Variants in TRAPPC9 observed in about 807,000 individuals in gnomAD.
The protein encoded by TRAPPC9 is trafficking protein particle complex subunit 9.
In TRAPPC9, 83 loss-of-function variants were observed where a neutral mutation model predicts 124.0. The ratio of observed to expected loss-of-function variants is 0.67; its 90% CI spans 0.56 to 0.80. TRAPPC9 has a LOEUF of 0.80. Ranked by LOEUF, TRAPPC9 falls within the 30% of genes least tolerant of loss-of-function variation. The probability of loss-of-function intolerance (pLI) is 0.00; values close to 1 mark genes in which losing one functional copy is unlikely to be tolerated. For synonymous variants in TRAPPC9, 638 were observed against 617.5 expected (o/e 1.03, Z -0.49); for missense variants, 1,302 against 1,508.3 (o/e 0.86, Z 2.27).
chr8:140,129,327 G>A (rs970314004), intron 17 of TRAPPC9, among the ~76,000 whole-genome samples: 23 of 152,050 alleles, frequency 1.5e-4, no homozygotes, highest in Non-Finnish European at 2.5e-4. Flanking sequence ...GGGGAGAGTC[G>A]AAGCCCCAAG....
intron 11 of TRAPPC9, among the ~76,000 whole-genome samples, chr8:140,298,773 C>A (rs143107228): frequency 6.6e-6 from 1 of 152,340 alleles, no homozygotes; most frequent in East Asian, 1.9e-4. Flanking sequence ...CCTGTGAGTT[C>A]TTGGACATGA....
chr8:139,803,828 A>C (rs975625936), intron 21 of TRAPPC9, among the ~76,000 whole-genome samples: 1 of 152,170 alleles, frequency 6.6e-6, no homozygotes, highest in Non-Finnish European at 1.5e-5. Flanking sequence ...CTTCCCCAAG[A>C]GGACCGGGCT....
At chr8:140,328,379 G>A (rs1459853088) in intron 9 of TRAPPC9, among the ~76,000 whole-genome samples, 1 of 152,144 alleles carries the variant, frequency 6.6e-6, no homozygotes, top group Non-Finnish European at 1.5e-5. Context: ...ATGATCAATC[G>A]TTGAGGCATG....
At chr8:140,236,856 T>C (rs752354992) in intron 16 of TRAPPC9, among the ~76,000 whole-genome samples, 2 of 152,190 alleles carry the variant, frequency 1.3e-5, no homozygotes, top group Non-Finnish European at 2.9e-5. Context: ...TATTCTAACA[T>C]ACTGCTTTGA....
At chr8:139,862,433 G>A (rs1172713746) in intron 21 of TRAPPC9, among the ~76,000 whole-genome samples, 1 of 152,234 alleles carries the variant, frequency 6.6e-6, no homozygotes, top group Non-Finnish European at 1.5e-5. Context: ...ACCAGCCTTG[G>A]GCCTTGGGGA....
chr8:140,283,933 G>C lies in TRAPPC9; in HGVS notation c.2070C>G (p.Val690=), dbSNP rs1563915607. ...GIKTSGSTVE[V]IPALPRLQIS... is the part of the protein sequence containing the mutation. ...TCTGCAGTCTTGGCAACGCGGGAAT[G>C]ACTTCCACTGTGGAGCCACTGGTTT... is the stretch of plus-strand genomic sequence containing the variant. Residue 690 remains valine, a synonymous_variant, in exon 14 of 23, where the codon GTC becomes GTG. Coordinates refer to ENST00000438773, the MANE Select transcript of TRAPPC9 (RefSeq NM_001160372.4). 1 of 1,614,126 alleles carries C rather than the reference G, an allele frequency of 6.2e-7. No individual in the cohort carries two copies. The highest frequency in any genetic ancestry group is 1.3e-5 in the African/African-American group (1 of 75,016).
At chr8:139,876,954 C>T (rs942274917) in intron 21 of TRAPPC9, among the ~76,000 whole-genome samples, 12 of 152,240 alleles carry the variant, frequency 7.9e-5, no homozygotes, top group African/African-American at 2.9e-4. Context: ...GACTGTCTCG[C>T]ACACAAGCTA....
intron 21 of TRAPPC9, among the ~76,000 whole-genome samples, chr8:139,818,775 G>A (rs1436247697): frequency 6.6e-6 from 1 of 152,214 alleles, no homozygotes; most frequent in East Asian, 1.9e-4. Context: ...AGCTGTCCAA[G>A]TGGAGTGAAC....
chr8:139,783,997 C>A (rs1822008817), intron 21 of TRAPPC9, among the ~76,000 whole-genome samples: 1 of 152,144 alleles, frequency 6.6e-6, no homozygotes, highest in African/African-American at 2.4e-5. Flanking sequence ...GAGAGAGGTG[C>A]CTCCACTTGA....
chr8:140,353,400 C>T lies in TRAPPC9; in HGVS notation c.1495+6650G>A, dbSNP rs572122878. Among the ~76,000 whole-genome samples, 2 of 151,598 alleles carry T rather than the reference C, an allele frequency of 1.3e-5. No homozygotes were observed. The highest frequency in any genetic ancestry group is 4.9e-5 in the African/African-American group (2 of 41,196). On this transcript the variant is annotated intron_variant, in intron 9 of 22. Transcript: ENST00000438773. The surrounding 1 kb of genome is among the most constrained non-coding windows in gnomAD (Gnocchi z 4.2). Reference sequence around the variant, plus strand: ...AGTATGCATTTTTTCCCCTTCTTTTCGTAAGTATTGATAACCGCACTTCAC... The same window carrying T: ...AGTATGCATTTTTTCCCCTTCTTTTTGTAAGTATTGATAACCGCACTTCAC...
At chr8:140,291,228 T>C in intron 11 of TRAPPC9, 150 bp from the exon 12 acceptor site, 1 of 742,604 alleles carries the variant, frequency 1.3e-6, no homozygotes, top group South Asian at 1.5e-5. Context: ...CAAAGCTGCT[T>C]TTTCCACCAG....
chr8:140,312,946 G>A (rs925043772), intron 9 of TRAPPC9, among the ~76,000 whole-genome samples: 30 of 151,970 alleles, frequency 2.0e-4, no homozygotes, highest in African/African-American at 7.0e-4. Context: ...TTTGGGTAGA[G>A]ATGAGGTCTC....
rs143318597 is a variant in TRAPPC9, at chr8:139,820,491, A to C, written c.3055+65388T>G. 3.5e-3 allele frequency among the ~76,000 whole-genome samples: 533 copies of C among 152,296 alleles called. 4 individuals carry two copies. The highest frequency in any genetic ancestry group is 0.012 in the African/African-American group (487 of 41,562). On this transcript the variant is annotated intron_variant, in intron 21 of 22. Coordinates refer to ENST00000438773, the MANE Select transcript of TRAPPC9 (RefSeq NM_001160372.4). ...CACCACACCTGGCCAAATTTATAAG[A>C]ACTATTTCATTAAAAAACAAATATT...
intron 17 of TRAPPC9, among the ~76,000 whole-genome samples, chr8:140,188,389 G>C (rs2062398659): frequency 1.3e-5 from 2 of 152,108 alleles, no homozygotes; most frequent in African/African-American, 4.8e-5. Context: ...TGCCCTAATG[G>C]GCCCTCGGAT....
At chr8:140,249,645 C>A (rs111923172) in intron 16 of TRAPPC9, among the ~76,000 whole-genome samples, 20,180 of 144,034 alleles carry the variant, frequency 0.14, 1,581 homozygotes, top group Admixed American at 0.19. Flanking sequence ...GCTCTGTCAC[C>A]CAGGCTGGAG....
intron 16 of TRAPPC9, among the ~76,000 whole-genome samples, chr8:140,234,756 T>C: frequency 6.6e-6 from 1 of 152,216 alleles, no homozygotes; most frequent in Admixed American, 6.5e-5. Flanking sequence ...ATTCAACAAA[T>C]ACTTGTGAGT....
intron 16 of TRAPPC9, among the ~76,000 whole-genome samples, chr8:140,239,593 AC>A (rs2063811769): frequency 6.6e-6 from 1 of 151,988 alleles, no homozygotes; most frequent in Admixed American, 6.6e-5. Context: ...GGCCGCATCC[AC>A]CTCCTCACGG....
At chr8:139,755,126 G>A (rs926959264) in intron 21 of TRAPPC9, among the ~76,000 whole-genome samples, 2 of 152,358 alleles carry the variant, frequency 1.3e-5, no homozygotes, top group East Asian at 1.9e-4. Context: ...TCCGAGCCTC[G>A]TCTGCCCCAG....
rs536871349 is a variant in TRAPPC9 at position 140,006,058 on chromosome 8, A to C, written c.2700-17222T>G. Among the ~76,000 whole-genome samples the C allele has an allele frequency of 8.5e-5, 13 of 152,284 alleles. No homozygotes were observed. In the South Asian group the frequency reaches 1.7e-3, roughly 19 times the overall value. On this transcript the variant is annotated intron_variant, in intron 18 of 22. Transcript: ENST00000438773. ...GAAAAGTTGTCACAACTATTCAAGA[A>C]ATAAATTAGGAGGCTTGTCCTAGGG... is the stretch of plus-strand genomic sequence containing the variant.
Sources: allele counts gnomAD v4.1 joint callset (sites outside exome capture counted in the v4.1 genomes callset), GRCh38; gene constraint gnomAD v4.1.1; non-coding constraint Gnocchi (gnomAD v3.1); transcripts MANE v1.5; gene names NCBI Gene and HGNC (gene_info 2026-07-23, HGNC 2026-07-21).